Variants in NTM observed in about 807,000 individuals in gnomAD.
NTM encodes the protein neurotrimin, also known as IgLON family member 2.
In NTM, 13 loss-of-function variants were observed where a neutral mutation model predicts 42.1. The ratio of observed to expected loss-of-function variants is 0.31; its 90% CI spans 0.20 to 0.49. The LOEUF (loss-of-function observed/expected upper bound fraction) is 0.49. NTM is among the 20% of genes least tolerant of loss of function. The pLI, the probability that NTM is intolerant of heterozygous loss-of-function variation, is 0.99. For missense variants in NTM, 373 were observed against 452.8 expected, an observed-to-expected ratio of 0.82 and a Z score of 1.60; for synonymous variants, 187 against 179.2, an observed-to-expected ratio of 1.04 and a Z score of -0.35.
At chr11:132,051,072 C>T (rs1045132099) in intron 2 of NTM, among the ~76,000 whole-genome samples, 3 of 152,188 alleles carry the variant, frequency 2.0e-5, no homozygotes, top group African/African-American at 7.2e-5. Context: ...AGGATTTTCC[C>T]TGTGGAGTCA....
intron 6 of NTM, among the ~76,000 whole-genome samples, chr11:132,311,784 C>CA (rs1368861531): frequency 6.6e-6 from 1 of 152,122 alleles, no homozygotes; most frequent in Non-Finnish European, 1.5e-5. Flanking sequence ...TAAGGGAAAG[C>CA]AAAATCTTAG....
rs956305008 is a variant in NTM at position 131,477,249 on chromosome 11, G to GA, written c.82+106369dup. On this transcript the variant is annotated intron_variant, in intron 1 of 8. Coordinates refer to ENST00000683400, the MANE Select transcript of NTM (RefSeq NM_001352005.2). ...CATAACAAATCTCCATCTCAGAGAT[G>GA]AAAAAAAACAGATTTATGAAGTCAG... Among the ~76,000 whole-genome samples the GA allele has an allele frequency of 2.2e-3, 330 of 151,710 alleles. 1 individual carries two copies. The highest frequency in any genetic ancestry group is 7.4e-3 in the African/African-American group (305 of 41,370).
chr11:131,919,776 G>A, intron 2 of NTM, among the ~76,000 whole-genome samples: 1 of 151,962 alleles, frequency 6.6e-6, no homozygotes, highest in East Asian at 1.9e-4. Context: ...GCATATATGT[G>A]TATATAATAT....
intron 2 of NTM, among the ~76,000 whole-genome samples, chr11:132,114,339 C>A (rs11532039): frequency 0.018 from 2,744 of 152,138 alleles, 52 homozygotes; most frequent in South Asian, 0.1. Flanking sequence ...TAGGCCCCTG[C>A]GACCCAGTGT....
intron 1 of NTM, among the ~76,000 whole-genome samples, chr11:131,482,477 T>C (rs1953712846): frequency 6.6e-6 from 1 of 152,240 alleles, no homozygotes; most frequent in Non-Finnish European, 1.5e-5. Flanking sequence ...TGTTTGGCTC[T>C]GGTGTTCCTT....
chr11:131,987,958 A>G (rs114099228), intron 2 of NTM, among the ~76,000 whole-genome samples: 2,584 of 152,336 alleles, frequency 0.017, 58 homozygotes, highest in African/African-American at 0.059. Context: ...CCTTAGTCCA[A>G]TCTGGTTGCT....
At chr11:132,255,207 C>A (rs2092377881) in intron 4 of NTM, among the ~76,000 whole-genome samples, 1 of 152,178 alleles carries the variant, frequency 6.6e-6, no homozygotes, top group South Asian at 2.1e-4. Context: ...TGGTTTGAGT[C>A]TGATCTCTTT....
intron 2 of NTM, among the ~76,000 whole-genome samples, chr11:131,962,368 T>G (rs1299012882): frequency 1.3e-5 from 2 of 152,220 alleles, no homozygotes; most frequent in Non-Finnish European, 2.9e-5. Context: ...GTTGAAACCC[T>G]AACCCTCAAT....
Position 132,327,998 on chromosome 11 carries a change from A to T in NTM, c.935-2155A>T, listed in dbSNP as rs1021621667. Among the ~76,000 whole-genome samples, 11 of 152,122 alleles carry T rather than the reference A, an allele frequency of 7.2e-5. 1 individual carries two copies. Among genetic ancestry groups the T allele is most frequent in the Admixed American group, 3.3e-4 (5 of 15,276 alleles). ...AAGCTTGAATTTTCAGGGATTGTTT[A>T]TGTTCCTGATAGTCAAAATGTTACT... On this transcript the variant is annotated intron_variant, in intron 7 of 8. Transcript: ENST00000683400.
intron 1 of NTM, among the ~76,000 whole-genome samples, chr11:131,708,254 T>A (rs957145904): frequency 6.6e-6 from 1 of 152,090 alleles, no homozygotes; most frequent in Non-Finnish European, 1.5e-5. Context: ...AATAGTAAAA[T>A]AAACTGAAAA....
chr11:132,290,482 T>G (rs1160633353), intron 4 of NTM, among the ~76,000 whole-genome samples: 3 of 152,184 alleles, frequency 2.0e-5, no homozygotes, highest in African/African-American at 7.2e-5. Context: ...CATTGGATAC[T>G]GAGCGTATTG....
chr11:131,632,094 C>A (rs1015685101), intron 1 of NTM, among the ~76,000 whole-genome samples: 4 of 152,128 alleles, frequency 2.6e-5, no homozygotes, highest in Non-Finnish European at 5.9e-5. Context: ...GTGGTGATTT[C>A]TTAATTTCAA....
In NTM at chr11:131,575,886, G is replaced by A. The variant is rs541345438; in HGVS notation, c.82+204998G>A. On this transcript the variant is annotated intron_variant, in intron 1 of 8. Transcript: ENST00000683400. ...ACTGGGTGCTCTGTGGATTCCAGAT[G>A]AATTATCTCAAGTGGCAAATATACC... Among the ~76,000 whole-genome samples, 6 of 152,264 alleles carry A rather than the reference G, an allele frequency of 3.9e-5. No individual in the cohort carries two copies. The South Asian group carries it at 1.2e-3, about 32-fold the overall frequency.
At chr11:132,216,700 C>G (rs893142588) in intron 4 of NTM, among the ~76,000 whole-genome samples, 1 of 152,200 alleles carries the variant, frequency 6.6e-6, no homozygotes, top group African/African-American at 2.4e-5. Context: ...TGCCTAGCAC[C>G]TAGGAAGTGT....
chr11:131,487,758 GT>G (rs1414210878), intron 1 of NTM, among the ~76,000 whole-genome samples: 11 of 151,774 alleles, frequency 7.2e-5, no homozygotes, highest in African/African-American at 2.4e-4. Flanking sequence ...AAGGGATAAT[GT>G]TTTGGAGCTG....
At chr11:132,282,486 T>C (rs2094012766) in intron 4 of NTM, among the ~76,000 whole-genome samples, 1 of 152,178 alleles carries the variant, frequency 6.6e-6, no homozygotes, top group African/African-American at 2.4e-5. Flanking sequence ...CCCAGCCCCC[T>C]CCTCAAATAG....
intron 1 of NTM, among the ~76,000 whole-genome samples, chr11:131,572,253 A>T (rs951132797): frequency 4.6e-5 from 7 of 152,116 alleles, no homozygotes; most frequent in Admixed American, 1.3e-4. Context: ...AGGTGCCCTG[A>T]TGTACAAGGG....
Position 132,213,990 on chromosome 11 carries a change from TCCC to T in NTM, c.526+1844_526+1846del. On this transcript the variant is annotated intron_variant, in intron 4 of 8. Coordinates refer to ENST00000683400, the MANE Select transcript of NTM (RefSeq NM_001352005.2). ...ACCTCGTGATCCGCCCGCCTCGGCC[TCCC>T]AAAGTGCTGGGATTACAGGCGTGAG... Among the ~76,000 whole-genome samples, 6 of 61,480 alleles carry T rather than the reference TCCC, an allele frequency of 9.8e-5. 1 individual carries two copies. Among genetic ancestry groups the T allele is most frequent in the Non-Finnish European group, 2.7e-4 (6 of 22,594 alleles). 40.3% of individuals were successfully genotyped at this position (61,480 alleles called of 152,430 possible).
At chr11:131,885,381 C>A (rs1299886889) in intron 1 of NTM, among the ~76,000 whole-genome samples, 1 of 152,184 alleles carries the variant, frequency 6.6e-6, no homozygotes, top group Non-Finnish European at 1.5e-5. Flanking sequence ...TACACAACTG[C>A]GGGCAGGTGG....
Sources: gnomAD v4.1 joint callset for allele counts (sites outside exome capture counted in the v4.1 genomes callset) on GRCh38, gnomAD v4.1.1 for gene constraint, MANE v1.5 for transcripts, NCBI Gene and HGNC (gene_info 2026-07-23, HGNC 2026-07-21) for gene names.